The following FAM178B variants were observed in gnomAD, a reference collection of about 807,000 sequenced individuals.
The protein encoded by FAM178B is protein FAM178B.
Under a neutral mutation model 91.7 loss-of-function variants are expected in FAM178B, and 82 were observed. The observed-to-expected ratio is 0.89, with a 90% CI of 0.75 to 1.07. The LOEUF is 1.07. Ranked by LOEUF, FAM178B falls within the 50% of genes least tolerant of loss-of-function variation. FAM178B has a pLI of 0.00. For synonymous variants in FAM178B, 368 were observed against 359.4 expected, an observed-to-expected ratio of 1.02 and a Z score of -0.27; for missense variants, 769 against 846.7, an observed-to-expected ratio of 0.91 and a Z score of 1.14.
intron 1 of FAM178B, among the ~76,000 whole-genome samples, chr2:96,978,682 C>T (rs1170549030): frequency 4.7e-5 from 7 of 149,210 alleles, no homozygotes; most frequent in South Asian, 4.2e-4. Flanking sequence ...TGGAGTGCAG[C>T]GGCGTCATCT....
At chr2:96,946,622 G>A (rs2081833013) in intron 8 of FAM178B, among the ~76,000 whole-genome samples, 1 of 152,238 alleles carries the variant, frequency 6.6e-6, no homozygotes, top group African/African-American at 2.4e-5. Context: ...CCTTCCTAAT[G>A]GGGAGCGCAT....
Position 96,986,381 on chromosome 2 carries a change from G to A in FAM178B, c.-68C>T, listed in dbSNP as rs1161000823. Reference sequence around the variant, plus strand: ...GAATTCGCACGGCCTCAGAGGACGGGGCCAGCTAGCCGGGAAAGGAAGCAG... The same window carrying A: ...GAATTCGCACGGCCTCAGAGGACGGAGCCAGCTAGCCGGGAAAGGAAGCAG... On this transcript the variant is annotated 5_prime_UTR_variant, in exon 1 of 17. Coordinates refer to ENST00000490605, the MANE Select transcript of FAM178B (RefSeq NM_001122646.3). The A allele has an allele frequency of 1.0e-5, 15 of 1,497,896 alleles. No individual in the cohort carries two copies. In the South Asian group the frequency reaches 1.8e-4, roughly 18 times the overall value. The allele number at this position is 1,497,896 out of a possible 1,614,324, so 92.8% of individuals were successfully genotyped here. A position where few individuals can be genotyped will look rare whatever the true frequency, so the allele number is the denominator to read the frequency against.
chr2:96,962,836 G>A (rs2082100198), intron 5 of FAM178B, among the ~76,000 whole-genome samples: 1 of 152,164 alleles, frequency 6.6e-6, no homozygotes, highest in East Asian at 1.9e-4. Flanking sequence ...ATTAGATGAC[G>A]CCTTGTCTGG....
At chr2:96,917,701 T>G (rs373012068) in intron 12 of FAM178B, among the ~76,000 whole-genome samples, 9 of 152,146 alleles carry the variant, frequency 5.9e-5, no homozygotes, top group African/African-American at 2.2e-4. Context: ...ACTAAAAATT[T>G]AAAAATTAGA....
chr2:96,880,676 G>A (rs2080358272), intron 14 of FAM178B, among the ~76,000 whole-genome samples: 1 of 152,030 alleles, frequency 6.6e-6, no homozygotes, highest in South Asian at 2.1e-4. Flanking sequence ...CTCACTGCAA[G>A]CTCTGCCTCC....
Position 96,972,191 on chromosome 2 carries a change from T to C in FAM178B, c.274A>G (p.Thr92Ala), listed in dbSNP as rs1458526208. The change falls in exon 3 of 17, where the codon ACA (threonine) becomes GCA (alanine). Residue 92 changes from threonine to alanine, a missense_variant. Physicochemically the swap from Thr to Ala is moderately conservative, Grantham distance 58. Transcript: ENST00000490605. ...TGTATCTTGGGCTTCTTTGGCGATG[T>C]GGGAGCTGGAGCCGAGGCAGGGCTG... ...PCSPASAPAP[T>A]SPKKPKIQAP... is the part of the protein sequence containing the mutation. The C allele has an allele frequency of 4.5e-6, 7 of 1,546,662 alleles. No individual in the cohort carries two copies. The highest frequency in any genetic ancestry group is 5.2e-6 in the Non-Finnish European group (6 of 1,145,054).
chr2:96,965,191 G>A (rs1392313459), intron 5 of FAM178B, among the ~76,000 whole-genome samples: 1 of 151,898 alleles, frequency 6.6e-6, no homozygotes, highest in Non-Finnish European at 1.5e-5. Flanking sequence ...GTAGAGACAG[G>A]GTTCAGGGTT....
At chr2:96,971,326 C>T (rs948765267) in intron 3 of FAM178B, among the ~76,000 whole-genome samples, 2 of 150,324 alleles carry the variant, frequency 1.3e-5, no homozygotes, top group Admixed American at 1.3e-4. Flanking sequence ...CTCTGTCCCC[C>T]TCTCCCTTGT....
chr2:96,878,534 C>G, intron 14 of FAM178B, 41 bp from the exon 15 acceptor site: 1 of 1,594,920 alleles, frequency 6.3e-7, no homozygotes, highest in Non-Finnish European at 8.6e-7. Context: ...TCTAACTCCA[C>G]CCAGGGCAGC....
chr2:96,891,653 C>T (rs1398319037), intron 14 of FAM178B, among the ~76,000 whole-genome samples: 1 of 152,200 alleles, frequency 6.6e-6, no homozygotes, highest in Admixed American at 6.5e-5. Flanking sequence ...AAGTTGTGCC[C>T]TGGACACCAA....
At chr2:96,908,900 C>CT (rs1470956058) in intron 12 of FAM178B, among the ~76,000 whole-genome samples, 1 of 152,120 alleles carries the variant, frequency 6.6e-6, no homozygotes, top group Non-Finnish European at 1.5e-5. Context: ...AACCCCAGCA[C>CT]TTTGGGAGGC....
Position 96,940,149 on chromosome 2 carries a change from G to A in FAM178B, c.1078+7669C>T, listed in dbSNP as rs1439999750. On this transcript the variant is annotated intron_variant, in intron 8 of 16. Transcript: ENST00000490605. ...ACGGGGACTGAGTGCAGCTGGCGTG[G>A]CAGACCTGGATCCCAGCCCGCCTCT... Among the ~76,000 whole-genome samples, 4 of 152,122 alleles carry A rather than the reference G, an allele frequency of 2.6e-5. No homozygotes were observed. The East Asian group carries it at 7.7e-4, about 29-fold the overall frequency.
At chr2:96,920,819 C>T (rs925884874) in intron 12 of FAM178B, among the ~76,000 whole-genome samples, 1 of 152,030 alleles carries the variant, frequency 6.6e-6, no homozygotes, top group Non-Finnish European at 1.5e-5. Context: ...CGAGAGTGTG[C>T]GAGTGGGAGT....
At chr2:96,938,586 A>C (rs1254478911) in intron 8 of FAM178B, among the ~76,000 whole-genome samples, 1 of 152,218 alleles carries the variant, frequency 6.6e-6, no homozygotes, top group Admixed American at 6.5e-5. Flanking sequence ...GTCCACCGGG[A>C]GACGCAGTGT....
rs1467432585 is a variant in FAM178B, at chr2:96,960,450, C to T, written c.735-10G>A. The T allele has an allele frequency of 2.6e-6, 4 of 1,534,352 alleles. No individual in the cohort carries two copies. Among genetic ancestry groups the T allele is most frequent in the Non-Finnish European group, 3.5e-6 (4 of 1,136,358 alleles). On this transcript the variant is annotated splice_polypyrimidine_tract_variant and intron_variant, in intron 5 of 16. Coordinates refer to ENST00000490605, the MANE Select transcript of FAM178B (RefSeq NM_001122646.3). Reference sequence around the variant, plus strand: ...CTTTTCCACCAGCATCCTGGCAAGGCAAGGGGCAGGAGGGCCGGGCATCAG... The same window carrying T: ...CTTTTCCACCAGCATCCTGGCAAGGTAAGGGGCAGGAGGGCCGGGCATCAG...
At position 96,963,999 on chromosome 2, in the gene FAM178B, G is replaced by A. The variant is rs185969006; in HGVS notation, c.734+3521C>T. Among the ~76,000 whole-genome samples, 7 of 152,208 alleles carry A rather than the reference G, an allele frequency of 4.6e-5. 1 individual carries two copies. Among genetic ancestry groups the A allele is most frequent in the African/African-American group, 1.7e-4 (7 of 41,534 alleles). On this transcript the variant is annotated intron_variant, in intron 5 of 16. Coordinates refer to ENST00000490605, the MANE Select transcript of FAM178B (RefSeq NM_001122646.3). ...GTTCAAGACCAGCCTGGCCAATGTG[G>A]CAAAATCTTGTCTCTACTAAAAATA...
rs1010230662 is a variant in FAM178B at position 96,948,074 on chromosome 2, C to G, written c.994-172G>C. Among the ~76,000 whole-genome samples, 47 of 152,240 alleles carry G rather than the reference C, an allele frequency of 3.1e-4. 1 individual carries two copies. Among genetic ancestry groups the G allele is most frequent in the Admixed American group, 3.0e-3 (46 of 15,288 alleles). On this transcript the variant is annotated intron_variant, in intron 7 of 16. Transcript: ENST00000490605. The stretch of plus-strand genomic sequence containing the variant: ...GCCAATTAGAGGATGGAAAACCAAG[C>G]TCAGAGAAGTCAAACAACTTTGCCA...
At chr2:96,883,095 C>T (rs538633807) in intron 14 of FAM178B, among the ~76,000 whole-genome samples, 2 of 152,194 alleles carry the variant, frequency 1.3e-5, no homozygotes, top group African/African-American at 4.8e-5. Context: ...GGGCCGTGCC[C>T]TCCCCCTGGG....
intron 6 of FAM178B, among the ~76,000 whole-genome samples, chr2:96,959,386 T>C (rs2082048797): frequency 6.6e-6 from 1 of 152,170 alleles, no homozygotes; most frequent in Admixed American, 6.5e-5. Flanking sequence ...ATAAAAACTT[T>C]CAAAGGAAGC....
Sources: allele counts gnomAD v4.1 joint callset (sites outside exome capture counted in the v4.1 genomes callset), GRCh38; gene constraint gnomAD v4.1.1; transcripts MANE v1.5; gene names NCBI Gene and HGNC (gene_info 2026-07-23, HGNC 2026-07-21).